FLYWCH2: variants seen among roughly 807,000 people sequenced by gnomAD.
FLYWCH2 encodes the protein FLYWCH family member 2.
In FLYWCH2, 2 loss-of-function variants were observed where a neutral mutation model predicts 6.0. The observed-to-expected ratio is 0.33, with a 90% CI of 0.14 to 1.04. The LOEUF is 1.04. FLYWCH2 is among the 50% of genes least tolerant of loss of function. The pLI, the probability that FLYWCH2 is intolerant of heterozygous loss-of-function variation, is 0.45. For missense variants in FLYWCH2, 192 were observed against 183.4 expected (o/e 1.05, Z -0.27); for synonymous variants, 87 against 79.3 (o/e 1.10, Z -0.52).
intron 1 of FLYWCH2, among the ~76,000 whole-genome samples, chr16:2,891,158 C>T (rs2069752836): frequency 6.6e-6 from 1 of 152,204 alleles, no homozygotes; most frequent in African/African-American, 2.4e-5. Context: ...GCATCTGCTG[C>T]CCAAGGCCAT....
intron 2 of FLYWCH2, 119 bp downstream of exon 2, chr16:2,895,439 C>T (rs2069808091): frequency 6.6e-6 from 1 of 152,266 alleles, no homozygotes; most frequent in African/African-American, 2.4e-5. Flanking sequence ...ACGGTGAAAC[C>T]CCGTCTCTAC....
chr16:2,887,531 G>A (rs937960463), intron 1 of FLYWCH2, among the ~76,000 whole-genome samples: 1 of 151,482 alleles, frequency 6.6e-6, no homozygotes, highest in Non-Finnish European at 1.5e-5. Flanking sequence ...TTTTGTATTG[G>A]ATATTCAGTG....
chr16:2,896,487 G>C lies in FLYWCH2; in HGVS notation c.38G>C (p.Ser13Thr). The change falls in exon 3 of 4, where the codon AGT (serine) becomes ACT (threonine). Residue 13 changes from serine to threonine, a missense_variant. Coordinates refer to ENST00000396958, the MANE Select transcript of FLYWCH2 (RefSeq NM_138439.3). ...GAGCCCAGCGAGCAGGAGGGTGAGA[G>C]TGTGAAGGCCAGCCAGGAGCCATCC... ...LPEPSEQEGESVKASQEPSPK... is the reference protein window; with the variant it reads ...LPEPSEQEGETVKASQEPSPK... The C allele has an allele frequency of 1.2e-6, 2 of 1,613,926 alleles. No homozygotes were observed. Among genetic ancestry groups the C allele is most frequent in the Non-Finnish European group, 1.7e-6 (2 of 1,179,922 alleles).
At chr16:2,892,690 A>T (rs2069771410) in intron 1 of FLYWCH2, among the ~76,000 whole-genome samples, 1 of 151,450 alleles carries the variant, frequency 6.6e-6, no homozygotes, top group African/African-American at 2.4e-5. Context: ...CTAAAAATAT[A>T]AAAATTAGGA....
intron 3 of FLYWCH2, among the ~76,000 whole-genome samples, chr16:2,898,533 C>A (rs940413769): frequency 1.3e-5 from 2 of 152,184 alleles, no homozygotes; most frequent in Non-Finnish European, 2.9e-5. Flanking sequence ...ATCTGTTACA[C>A]CTGAGCTCTG....
chr16:2,896,296 C>T (rs925743664), intron 2 of FLYWCH2, 56 bp from the exon 3 acceptor site: 6 of 991,744 alleles, frequency 6.0e-6, no homozygotes, highest in South Asian at 1.8e-5. Context: ...CCCAGATCCA[C>T]GTCTAGAGCC....
intron 1 of FLYWCH2, among the ~76,000 whole-genome samples, chr16:2,890,288 G>T (rs1160571545): frequency 6.7e-6 from 1 of 149,092 alleles, no homozygotes; most frequent in African/African-American, 2.5e-5. Flanking sequence ...TCGCTCTGTT[G>T]CCCAGGCTGG....
At chr16:2,894,535 A>T (rs1333658075) in intron 1 of FLYWCH2, among the ~76,000 whole-genome samples, 1 of 152,194 alleles carries the variant, frequency 6.6e-6, no homozygotes, top group Non-Finnish European at 1.5e-5. Context: ...GGTCCCCGGC[A>T]TCCCCACATC....
At chr16:2,886,996 C>G (rs1205125676) in intron 1 of FLYWCH2, among the ~76,000 whole-genome samples, 2 of 152,036 alleles carry the variant, frequency 1.3e-5, no homozygotes, top group Admixed American at 1.3e-4. Flanking sequence ...AACTCTTAAA[C>G]TTAGTTGAAG....
At chr16:2,892,892 G>A (rs540813308) in intron 1 of FLYWCH2, among the ~76,000 whole-genome samples, 566 of 50,378 alleles carry the variant, frequency 0.011, 6 homozygotes, top group African/African-American at 0.032. Flanking sequence ...AATATATAAT[G>A]TATATATGTC....
In FLYWCH2 at chr16:2,892,978, TTA is replaced by T. The variant is rs199910402; in HGVS notation, c.-199-2236_-199-2235del. Among the ~76,000 whole-genome samples, 1,188 of 140,772 alleles carry T rather than the reference TTA, an allele frequency of 8.4e-3. 20 individuals are homozygous for T. Among genetic ancestry groups the T allele is most frequent in the African/African-American group, 0.029 (1,095 of 38,338 alleles). 92.4% of individuals were successfully genotyped at this position (140,772 alleles called of 152,430 possible). A position where few individuals can be genotyped will look rare whatever the true frequency, so the allele number is the denominator to read the frequency against. On this transcript the variant is annotated intron_variant, in intron 1 of 3. Transcript: ENST00000396958. ...TGTCATATATCGTATATAATATATA[TTA>T]TATATGTCACATATATACATATATT...
intron 1 of FLYWCH2, among the ~76,000 whole-genome samples, chr16:2,890,156 G>C (rs1381708608): frequency 6.6e-6 from 1 of 151,706 alleles, no homozygotes; most frequent in Non-Finnish European, 1.5e-5. Flanking sequence ...TGCACTTTTT[G>C]TGTTCGGAGG....
In FLYWCH2 at chr16:2,899,267, T is replaced by TC. The variant is rs1385713061; in HGVS notation, c.*119dup. ...GCTTTTAACATTGTGTGATTTCTTT[T>TC]CTTTTTTTTTTTTTTTTTAGATCAA... On this transcript the variant is annotated 3_prime_UTR_variant, in exon 4 of 4. Coordinates refer to ENST00000396958, the MANE Select transcript of FLYWCH2 (RefSeq NM_138439.3). 3 of 501,508 alleles carry TC rather than the reference T, an allele frequency of 6.0e-6. No individual in the cohort carries two copies. The East Asian group carries it at 1.0e-4, about 17-fold the overall frequency. The allele number at this position is 501,508 out of a possible 1,614,324, so 31.1% of individuals were successfully genotyped here. A position where few individuals can be genotyped will look rare whatever the true frequency, so the allele number is the denominator to read the frequency against.
rs374318736 is a variant in FLYWCH2, at chr16:2,893,637, T to C, written c.-199-1583T>C. 4.2e-3 allele frequency among the ~76,000 whole-genome samples: 484 copies of C among 114,934 alleles called. 4 individuals carry two copies. Among genetic ancestry groups the C allele is most frequent in the South Asian group, 4.3e-3 (18 of 4,164 alleles). The allele number at this position is 114,934 out of a possible 152,430, so 75.4% of individuals were successfully genotyped here. ...TTTGGGGCCCTTTTCTTTTCTTCTT[T>C]TTTTTTTTTTTTTTTTTTGAAACGG... On this transcript the variant is annotated intron_variant, in intron 1 of 3. Transcript: ENST00000396958.
At chr16:2,885,911 G>A (rs529053447) in intron 1 of FLYWCH2, among the ~76,000 whole-genome samples, 35 of 152,228 alleles carry the variant, frequency 2.3e-4, no homozygotes, top group Non-Finnish European at 4.6e-4. Flanking sequence ...TGCCAGGCTG[G>A]TTTCCAAAAA....
chr16:2,887,309 CTTTCTTT>C (rs1567302799), intron 1 of FLYWCH2, among the ~76,000 whole-genome samples: 7 of 119,122 alleles, frequency 5.9e-5, no homozygotes, highest in Non-Finnish European at 1.0e-4. Flanking sequence ...CCATGCCCGG[CTTTCTTT>C]TTTTTTTTTT....
intron 3 of FLYWCH2, chr16:2,898,710 G>A: frequency 4.4e-6 from 1 of 229,388 alleles, no homozygotes; most frequent in Non-Finnish European, 8.5e-6. Context: ...GGTCCCGCAG[G>A]CAATCACCCT....
In FLYWCH2 at chr16:2,890,576, G is replaced by A. The variant is rs1345953427; in HGVS notation, c.-199-4644G>A. On this transcript the variant is annotated intron_variant, in intron 1 of 3. Transcript: ENST00000396958. Reference sequence around the variant, plus strand: ...ATTACAGGCGCCTGCCACCACGCCCGGCCAATTTTTTTTTTTTTTTGTATT... The same window carrying A: ...ATTACAGGCGCCTGCCACCACGCCCAGCCAATTTTTTTTTTTTTTTGTATT... Among the ~76,000 whole-genome samples, 5 of 148,264 alleles carry A rather than the reference G, an allele frequency of 3.4e-5. No homozygotes were observed. The South Asian group carries it at 8.4e-4, about 25-fold the overall frequency.
At chr16:2,897,041 AG>A in intron 3 of FLYWCH2, 1 of 553,948 alleles carries the variant, frequency 1.8e-6, no homozygotes, top group Non-Finnish European at 3.2e-6. Context: ...GGAGGGTCTG[AG>A]GGTGCGGCGG....
Sources: gnomAD v4.1 joint callset for allele counts (sites outside exome capture counted in the v4.1 genomes callset) on GRCh38, gnomAD v4.1.1 for gene constraint, MANE v1.5 for transcripts, NCBI Gene and HGNC (gene_info 2026-07-23, HGNC 2026-07-21) for gene names.